Variants in GIMAP8 observed in about 807,000 individuals in gnomAD.
GIMAP8 encodes the protein GTPase IMAP family member 8.
A neutral mutation model predicts 35.6 loss-of-function variants in GIMAP8; 29 were observed. That is an observed-to-expected ratio of 0.81 (90% CI 0.61 to 1.11). The LOEUF (loss-of-function observed/expected upper bound fraction) is 1.11. GIMAP8 is among the 50% of genes most tolerant of loss of function. The pLI, the probability that GIMAP8 is intolerant of heterozygous loss-of-function variation, is 0.00. For synonymous variants in GIMAP8, 335 were observed against 308.7 expected (o/e 1.09, Z -0.89); for missense variants, 811 against 805.0 (o/e 1.01, Z -0.09).
chr7:150,452,651 ATATGTG>A (rs1801636017), intron 1 of GIMAP8, among the ~76,000 whole-genome samples: 1 of 127,300 alleles, frequency 7.9e-6, no homozygotes, highest in African/African-American at 3.0e-5. Flanking sequence ...ATATGTGTGT[ATATGTG>A]TGTGTGTGTG....
In GIMAP8 at chr7:150,459,793, G is replaced by A. The variant is rs183843218; in HGVS notation, c.-28-6878G>A. On this transcript the variant is annotated intron_variant, in intron 1 of 4. Coordinates refer to ENST00000307271, the MANE Select transcript of GIMAP8 (RefSeq NM_175571.4). ...AGTGAGTTCCTTGGAGTGAGTTCCC[G>A]TGAAGTAAGCCTGTATGGAAAATCA... Among the ~76,000 whole-genome samples the A allele has an allele frequency of 2.1e-3, 323 of 152,254 alleles. 3 individuals are homozygous for A. The South Asian group carries it at 0.032, about 15-fold the overall frequency.
In GIMAP8 at chr7:150,466,893, C is replaced by T; in HGVS notation, c.195C>T (p.Asp65=). 1 of 1,614,232 alleles carries T rather than the reference C, an allele frequency of 6.2e-7. No homozygotes were observed. The highest frequency in any genetic ancestry group is 8.5e-7 in the Non-Finnish European group (1 of 1,180,026). The stretch of plus-strand genomic sequence containing the variant: ...GAGAAAGGAAGGTTGTGGTAATTGA[C>T]ACCCCTGACCTTTTCTCCTCAATAG... ...VLRERKVVVI[D]TPDLFSSIAC... is the part of the protein sequence containing the mutation. The change falls in exon 2 of 5, where the codon GAC becomes GAT. Residue 65 remains aspartate (D), a synonymous_variant. Coordinates refer to ENST00000307271, the MANE Select transcript of GIMAP8 (RefSeq NM_175571.4).
chr7:150,459,802 G>A (rs1440752308), intron 1 of GIMAP8, among the ~76,000 whole-genome samples: 3 of 152,186 alleles, frequency 2.0e-5, no homozygotes, highest in African/African-American at 7.2e-5. Flanking sequence ...CGTGAAGTAA[G>A]CCTGTATGGA....
rs975038239 is a variant in GIMAP8 at position 150,472,637 on chromosome 7, G to A, written c.683-1375G>A. Among the ~76,000 whole-genome samples, 10 of 152,136 alleles carry A rather than the reference G, an allele frequency of 6.6e-5. No homozygotes were observed. Among genetic ancestry groups the A allele is most frequent in the African/African-American group, 1.7e-4 (7 of 41,412 alleles). On this transcript the variant is annotated intron_variant, in intron 3 of 4. Coordinates refer to ENST00000307271, the MANE Select transcript of GIMAP8 (RefSeq NM_175571.4). This position sits in a 1 kb window ranked among gnomAD's most constrained non-coding sequence, Gnocchi z 4.1. ...TCTAAATTGAAGAGAGTCCATATTC[G>A]AAATAAATATAAAATTATTATTTTG... is the stretch of plus-strand genomic sequence containing the variant.
intron 1 of GIMAP8, among the ~76,000 whole-genome samples, chr7:150,461,553 G>C (rs180744341): frequency 6.6e-6 from 1 of 151,942 alleles, no homozygotes; most frequent in East Asian, 1.9e-4. Flanking sequence ...TTTGGTTTCT[G>C]TTTGTGTGCG....
In GIMAP8 at chr7:150,467,124, C is replaced by A; in HGVS notation, c.426C>A (p.Asp142Glu). The A allele has an allele frequency of 6.2e-7, 1 of 1,614,144 alleles. No individual in the cohort carries two copies. The highest frequency in any genetic ancestry group is 8.5e-7 in the Non-Finnish European group (1 of 1,180,024). Residue 142 changes from aspartate to glutamate, a missense_variant, in exon 2 of 5, where the codon GAC becomes GAA. Physicochemically the swap from Asp to Glu is conservative, Grantham distance 45. Transcript: ENST00000307271. ...VFTRKDDLGDDLLQDFIEKNK... is the reference protein window; with the variant it reads ...VFTRKDDLGDELLQDFIEKNK... ...CTCGGAAGGATGATTTGGGGGATGA[C>A]TTGCTGCAAGATTTCATTGAAAAAA...
In GIMAP8 at chr7:150,470,860, G is replaced by A. The variant is rs1228260931; in HGVS notation, c.668G>A (p.Gly223Glu). 25 of 1,607,102 alleles carry A rather than the reference G, an allele frequency of 1.6e-5. No homozygotes were observed. The highest frequency in any genetic ancestry group is 2.0e-5 in the Non-Finnish European group (24 of 1,174,774). The stretch of plus-strand genomic sequence containing the variant: ...GTGAATGAAGCTGCATCTCAAGAGG[G>A]AGACAAGCCACAGGGTAAGTTGATC... ...DCVNEAASQEGDKPQGPRERQ... is the reference protein window; with the variant it reads ...DCVNEAASQEEDKPQGPRERQ... The change falls in exon 3 of 5, where the codon GGA becomes GAA. Residue 223 changes from glycine (G) to glutamate (E), a missense_variant. By Grantham distance (98) the Gly-to-Glu change is moderately conservative. Coordinates refer to ENST00000307271, the MANE Select transcript of GIMAP8 (RefSeq NM_175571.4).
At position 150,477,427 on chromosome 7, in the gene GIMAP8, G is replaced by A. The variant is rs750512653; in HGVS notation, c.1645G>A (p.Glu549Lys). The A allele has an allele frequency of 1.2e-6, 2 of 1,613,852 alleles. No homozygotes were observed. Among genetic ancestry groups the A allele is most frequent in the South Asian group, 1.1e-5 (1 of 91,084 alleles). ...GGACAAAACAGCTGTGGCGAAACTG[G>A]AGGCCATCTTTGGAGCAGACTTTAC... ...EEDKTAVAKL[E>K]AIFGADFTKY... The change falls in exon 5 of 5, where the codon GAG becomes AAG. Residue 549 changes from glutamate (E) to lysine (K), a missense_variant. Coordinates refer to ENST00000307271, the MANE Select transcript of GIMAP8 (RefSeq NM_175571.4).
In GIMAP8 at chr7:150,474,652, T is replaced by C. The variant is rs754690828; in HGVS notation, c.1309+14T>C. 1.5e-5 allele frequency: 23 copies of C among 1,500,566 alleles called. No individual in the cohort carries two copies. The South Asian group carries it at 3.1e-4, about 20-fold the overall frequency. 93.0% of individuals were successfully genotyped at this position (1,500,566 alleles called of 1,614,324 possible). The stretch of plus-strand genomic sequence containing the variant: ...TCAGAGAAAAAGGTAAAACTGTGAA[T>C]AGGATATATATTTTTACATATATCA... On this transcript the variant is annotated intron_variant, in intron 4 of 4. Coordinates refer to ENST00000307271, the MANE Select transcript of GIMAP8 (RefSeq NM_175571.4).
chr7:150,452,361 C>T (rs753484900), intron 1 of GIMAP8, among the ~76,000 whole-genome samples: 2 of 151,008 alleles, frequency 1.3e-5, no homozygotes, highest in African/African-American at 2.4e-5. Context: ...TGTGGAGCTG[C>T]AGGCAGGAGT....
chr7:150,473,927 T>C (rs1490504323), intron 3 of GIMAP8, 85 bp from the exon 4 acceptor site: 1 of 1,388,870 alleles, frequency 7.2e-7, no homozygotes, highest in Non-Finnish European at 9.8e-7. Flanking sequence ...CTATACAAGT[T>C]TGCAGGGATG....
intron 3 of GIMAP8, among the ~76,000 whole-genome samples, chr7:150,471,247 A>C (rs1224327972): frequency 6.6e-6 from 1 of 152,200 alleles, no homozygotes; most frequent in Non-Finnish European, 1.5e-5. Flanking sequence ...CAACTTGGAG[A>C]ATTCTCTGAT....
chr7:150,477,070 C>A lies in GIMAP8; in HGVS notation c.1310-22C>A, dbSNP rs773835288. ...TTCAGATCAGCCCATGGTCACGAAT[C>A]TTTCCCACTTTCCTTTGACAGAAAC... On this transcript the variant is annotated intron_variant, in intron 4 of 4. Transcript: ENST00000307271. 21 of 1,578,808 alleles carry A rather than the reference C, an allele frequency of 1.3e-5. No homozygotes were observed. In the South Asian group the frequency reaches 2.3e-4, roughly 18 times the overall value.
At chr7:150,453,934 T>G (rs1055790659) in intron 1 of GIMAP8, among the ~76,000 whole-genome samples, 2 of 144,722 alleles carry the variant, frequency 1.4e-5, no homozygotes, top group East Asian at 2.0e-4. Flanking sequence ...AGGTATGGGG[T>G]GGGGGTGTCA....
rs1403308914 is a variant in GIMAP8 at position 150,466,760 on chromosome 7, C to T, written c.62C>T (p.Ser21Leu). Residue 21 changes from serine to leucine, a missense_variant, in exon 2 of 5, where the codon TCG becomes TTG. By Grantham distance (145) the Ser-to-Leu change is moderately radical. Coordinates refer to ENST00000307271, the MANE Select transcript of GIMAP8 (RefSeq NM_175571.4). ...LRLLLLGKCRSGKSATGNAIL... is the reference protein window; with the variant it reads ...LRLLLLGKCRLGKSATGNAIL... ...CTCCTCCTCCTGGGAAAATGCCGCT[C>T]GGGAAAAAGTGCCACAGGAAATGCC... 55 of 1,613,952 alleles carry T rather than the reference C, an allele frequency of 3.4e-5. No homozygotes were observed. The highest frequency in any genetic ancestry group is 1.6e-4 in the Middle Eastern group (1 of 6,080).
intron 4 of GIMAP8, among the ~76,000 whole-genome samples, chr7:150,476,155 A>C (rs1802223115): frequency 6.6e-6 from 1 of 151,678 alleles, no homozygotes; most frequent in Non-Finnish European, 1.5e-5. Context: ...TATGAAGTTG[A>C]AGTTTCAGCA....
At chr7:150,459,903 GAGTA>G (rs1402416845) in intron 1 of GIMAP8, among the ~76,000 whole-genome samples, 1 of 152,244 alleles carries the variant, frequency 6.6e-6, no homozygotes, top group African/African-American at 2.4e-5. Flanking sequence ...TCCGTATTCA[GAGTA>G]AGTGTCTATT....
Position 150,477,568 on chromosome 7 carries a change from C to A in GIMAP8, c.1786C>A (p.Arg596=), listed in dbSNP as rs923132263. The change falls in exon 5 of 5, where the codon CGG becomes AGG. Residue 596 remains arginine, a synonymous_variant. Coordinates refer to ENST00000307271, the MANE Select transcript of GIMAP8 (RefSeq NM_175571.4). ...ALRRIFKKCG[R]RVCAFNNKET... ...TCGGCGCATTTTTAAAAAGTGTGGG[C>A]GGCGAGTTTGTGCTTTTAACAACAA... is the stretch of plus-strand genomic sequence containing the variant. The A allele has an allele frequency of 5.9e-5, 95 of 1,613,988 alleles. No homozygotes were observed. The highest frequency in any genetic ancestry group is 7.8e-5 in the Non-Finnish European group (92 of 1,180,026).
Position 150,472,095 on chromosome 7 carries a change from G to A in GIMAP8, c.682+1221G>A, listed in dbSNP as rs959537402. ...TTTGGCCGAGACCCCAGGAACACAC[G>A]TGTGACTGAACAAAAGTGCGTTTAT... On this transcript the variant is annotated intron_variant, in intron 3 of 4. Transcript: ENST00000307271. This position sits in a 1 kb window ranked among gnomAD's most constrained non-coding sequence, Gnocchi z 4.1. 2.6e-5 allele frequency among the ~76,000 whole-genome samples: 4 copies of A among 152,130 alleles called. No homozygotes were observed. Among genetic ancestry groups the A allele is most frequent in the African/African-American group, 4.8e-5 (2 of 41,418 alleles).
Sources: gnomAD v4.1 joint callset for allele counts (sites outside exome capture counted in the v4.1 genomes callset) on GRCh38, gnomAD v4.1.1 for gene constraint, Gnocchi (gnomAD v3.1) non-coding constraint, MANE v1.5 for transcripts, NCBI Gene and HGNC (gene_info 2026-07-23, HGNC 2026-07-21) for gene names.